PLXNB3: variants seen among roughly 807,000 people sequenced by gnomAD.
The protein encoded by PLXNB3 is plexin B3.
Under a neutral mutation model 125.7 loss-of-function variants are expected in PLXNB3, and 80 were observed. That is an observed-to-expected ratio of 0.64 (90% confidence interval 0.53 to 0.77). The LOEUF (loss-of-function observed/expected upper bound fraction) is 0.77. Among genes scored for constraint, PLXNB3 ranks in the 30% least tolerant of loss-of-function variants. The probability of loss-of-function intolerance (pLI) is 0.00; values close to 1 mark genes in which losing one functional copy is unlikely to be tolerated. For missense variants in PLXNB3, 1,836 were observed against 1,729.3 expected, an observed-to-expected ratio of 1.06 and a Z score of -1.09; for synonymous variants, 954 against 783.3, an observed-to-expected ratio of 1.22 and a Z score of -3.64.
At chrX:153,768,912 C>T (rs1557060426) in intron 4 of PLXNB3, 36 bp from the exon 5 acceptor site, 2 of 1,193,641 alleles carry the variant, frequency 1.7e-6, no homozygotes, top group African/African-American at 1.7e-5. Flanking sequence ...AACCTTTGGC[C>T]ATCTGGCCCA....
chrX:153,771,161 G>C, intron 12 of PLXNB3, 80 bp downstream of exon 12: 2 of 971,735 alleles, frequency 2.1e-6, no homozygotes, highest in Non-Finnish European at 2.9e-6. Flanking sequence ...TGGAGAGCCT[G>C]CTTGGGGCCC....
intron 6 of PLXNB3, 82 bp from the exon 7 acceptor site, chrX:153,769,725 G>GGT: frequency 9.7e-7 from 1 of 1,034,810 alleles, no homozygotes; most frequent in East Asian, 3.3e-5. Context: ...CTCCAGCTGG[G>GGT]CCGGCCTCCC....
rs2091875526 is a variant in PLXNB3, at chrX:153,767,813, C to T, written c.986C>T (p.Ala329Val). The T allele has an allele frequency of 8.6e-7, 1 of 1,161,015 alleles. No homozygotes were observed. ...GAGCTGGGTGCCAGCATGGAGCAGG[C>T]CCGGAGACTCTGCTACACGGCGGGC... Reference protein sequence around the residue: ...MVELGASMEQARRLCYTAGGR... With the variant: ...MVELGASMEQVRRLCYTAGGR... The change falls in exon 3 of 36, where the codon GCC (alanine) becomes GTC (valine). Residue 329 changes from alanine (A) to valine (V), a missense_variant. By Grantham distance (64) the Ala-to-Val change is moderately conservative. Transcript: ENST00000361971.
rs782645794 is a variant in PLXNB3, at chrX:153,778,402, T to C, written c.5481T>C (p.Tyr1827=). The change falls in exon 34 of 36, where the codon TAT becomes TAC. Residue 1827 remains tyrosine (Y), a synonymous_variant. Transcript: ENST00000361971. The stretch of plus-strand genomic sequence containing the variant: ...ACGAAGTCTGCTCCTCCAGGTACTA[T>C]GCGGACATTCGCCAGAGCTCTCCGG... The part of the protein sequence containing the change: ...PRYKQMVERY[Y]ADIRQSSPAS... The C allele has an allele frequency of 6.6e-6, 8 of 1,211,466 alleles. No individual in the cohort carries two copies. The East Asian group carries it at 1.5e-4, about 22-fold the overall frequency.
At chrX:153,778,140 G>C in intron 32 of PLXNB3, 45 bp downstream of exon 32, 1 of 1,208,952 alleles carries the variant, frequency 8.3e-7, no homozygotes, top group Non-Finnish European at 1.1e-6. Flanking sequence ...GCTTGAGGAG[G>C]AAAGGCTTAT....
rs782244922 is a variant in PLXNB3, at chrX:153,774,044, C to T, written c.3465C>T (p.Arg1155=). 2.6e-5 allele frequency: 31 copies of T among 1,191,542 alleles called. No individual in the cohort carries two copies. The highest frequency in any genetic ancestry group is 3.5e-5 in the African/African-American group (2 of 57,269). ...ACCCCCGCCTGGCACCCCTCAGCCG[C>T]GAGGGGCCTGCCCGCCCCTACCGCC... is the stretch of plus-strand genomic sequence containing the variant. ...QPNPRLAPLS[R]EGPARPYRLK... is the part of the protein sequence containing the mutation. Residue 1155 remains arginine (R), a synonymous_variant, in exon 20 of 36, where the codon CGC becomes CGT. Coordinates refer to ENST00000361971, the MANE Select transcript of PLXNB3 (RefSeq NM_005393.3).
rs782272039 is a variant in PLXNB3, at chrX:153,772,868, G to A, written c.2776-18G>A. The A allele has an allele frequency of 9.0e-7, 1 of 1,108,978 alleles. No individual in the cohort carries two copies. Among genetic ancestry groups the A allele is most frequent in the Non-Finnish European group, 1.2e-6 (1 of 850,901 alleles). The allele number at this position is 1,108,978 out of a possible 1,213,427, so 91.4% of individuals were successfully genotyped here. On this transcript the variant is annotated intron_variant, in intron 16 of 35. Transcript: ENST00000361971. Reference sequence around the variant, plus strand: ...CAGGCTGGGCTGCCGTGCCTACCCAGCCTGCGCTGTTCGCCAGGACCCTGT... The same window carrying A: ...CAGGCTGGGCTGCCGTGCCTACCCAACCTGCGCTGTTCGCCAGGACCCTGT...
rs185940074 is a variant in PLXNB3, at chrX:153,765,629, G to A, written c.45+49G>A. ...CCAGAAATGTTCCTGGGAGGGGCAG[G>A]GTAGGGCAGGATGGCTGTGGCCAGG... On this transcript the variant is annotated intron_variant, in intron 2 of 35. Transcript: ENST00000361971. 6.2e-4 allele frequency: 723 copies of A among 1,169,771 alleles called. 7 individuals carry two copies. In the African/African-American group the frequency reaches 0.011, roughly 18 times the overall value.
At chrX:153,765,852 T>A in intron 2 of PLXNB3, 1 of 754,248 alleles carries the variant, frequency 1.3e-6, no homozygotes, top group African/African-American at 2.3e-5. Context: ...CAGGGCAGCA[T>A]CTCTCTGTGG....
Position 153,774,736 on chromosome X carries a change from C to T in PLXNB3, c.3861C>T (p.Tyr1287=). 7.6e-6 allele frequency: 9 copies of T among 1,185,733 alleles called. No individual in the cohort carries two copies. The highest frequency in any genetic ancestry group is 1.0e-5 in the Non-Finnish European group (9 of 881,598). Residue 1287 remains tyrosine, a synonymous_variant, in exon 23 of 36, where the codon TAC becomes TAT. Transcript: ENST00000361971. ...RHKSKQALRD[Y]QKVLVQLESL... ...AGAGCAAGCAGGCCCTGCGGGACTA[C>T]CAGAAGGTGCTAGTGCAGCTGGAGA...
chrX:153,774,718 G>A lies in PLXNB3; in HGVS notation c.3843G>A (p.Lys1281=). The A allele has an allele frequency of 8.6e-7, 1 of 1,169,252 alleles. No individual in the cohort carries two copies. Among genetic ancestry groups the A allele is most frequent in the South Asian group, 2.0e-5 (1 of 50,339 alleles). ...LLTLMYRHKS[K]QALRDYQKVL... ...CCCCGGGCTGCAGGCACAAGAGCAA[G>A]CAGGCCCTGCGGGACTACCAGAAGG... is the stretch of plus-strand genomic sequence containing the variant. The change falls in exon 23 of 36, where the codon AAG becomes AAA. Residue 1281 remains lysine, a synonymous_variant. Coordinates refer to ENST00000361971, the MANE Select transcript of PLXNB3 (RefSeq NM_005393.3).
intron 4 of PLXNB3, 35 bp from the exon 5 acceptor site, chrX:153,768,913 A>G: frequency 8.4e-7 from 1 of 1,196,403 alleles, no homozygotes; most frequent in Non-Finnish European, 1.1e-6. Flanking sequence ...ACCTTTGGCC[A>G]TCTGGCCCAG....
chrX:153,776,848 C>T, intron 28 of PLXNB3, 39 bp from the exon 29 acceptor site: 1 of 987,180 alleles, frequency 1.0e-6, no homozygotes, highest in Non-Finnish European at 1.4e-6. Context: ...AGGCGCCTGG[C>T]TAGGGGTCAG....
At position 153,765,478 on chromosome X, in the gene PLXNB3, C is replaced by A; in HGVS notation, c.-58C>A. ...TGTCTCCCTCCCACTCAGGACAATG[C>A]CCCCCCGCAGCCATCTCATGCCCAT... is the stretch of plus-strand genomic sequence containing the variant. On this transcript the variant is annotated 5_prime_UTR_variant, in exon 2 of 36. Transcript: ENST00000361971. 9 of 1,145,189 alleles carry A rather than the reference C, an allele frequency of 7.9e-6. No individual in the cohort carries two copies. In the South Asian group the frequency reaches 1.2e-4, roughly 15 times the overall value. 94.4% of individuals were successfully genotyped at this position (1,145,189 alleles called of 1,213,427 possible).
chrX:153,767,605 C>T lies in PLXNB3; in HGVS notation c.778C>T (p.Arg260Cys), dbSNP rs782250509. 2.4e-5 allele frequency: 28 copies of T among 1,189,525 alleles called. No homozygotes were observed. The highest frequency in any genetic ancestry group is 2.6e-5 in the Non-Finnish European group (23 of 885,253). Residue 260 changes from arginine to cysteine, a missense_variant, in exon 3 of 36, where the codon CGC becomes TGC. By Grantham distance (180) the Arg-to-Cys change is radical. Transcript: ENST00000361971. ...RRGARAQAEY[R>C]SYVARVCLGD... ...CGGGGCCCGGGCCCAGGCTGAGTACCGCTCCTACGTGGCCCGCGTCTGCCT... is the reference window on the plus strand; with the variant it reads ...CGGGGCCCGGGCCCAGGCTGAGTACTGCTCCTACGTGGCCCGCGTCTGCCT...
rs2091968299 is a variant in PLXNB3 at position 153,774,744 on chromosome X, T to C, written c.3869T>C (p.Val1290Ala). The change falls in exon 23 of 36, where the codon GTG becomes GCG. Residue 1290 changes from valine to alanine, a missense_variant. Val to Ala is a moderately conservative substitution (Grantham distance 64). Coordinates refer to ENST00000361971, the MANE Select transcript of PLXNB3 (RefSeq NM_005393.3). ...CAGGCCCTGCGGGACTACCAGAAGG[T>C]GCTAGTGCAGCTGGAGAGCCTGGAG... Reference protein sequence around the residue: ...SKQALRDYQKVLVQLESLETG... With the variant: ...SKQALRDYQKALVQLESLETG... 2.5e-6 allele frequency: 3 copies of C among 1,193,893 alleles called. No homozygotes were observed. The highest frequency in any genetic ancestry group is 3.7e-5 in the South Asian group (2 of 53,966).
chrX:153,764,656 C>T (rs1394285202), intron 1 of PLXNB3, among the ~76,000 whole-genome samples: 1 of 113,054 alleles, frequency 8.8e-6, no homozygotes, highest in African/African-American at 3.2e-5. Flanking sequence ...CTGGAGCCTA[C>T]TGCTGCCGTG....
intron 12 of PLXNB3, 58 bp downstream of exon 12, chrX:153,771,139 C>T: frequency 9.4e-7 from 1 of 1,061,753 alleles, no homozygotes; most frequent in Non-Finnish European, 1.3e-6. Context: ...CCTCAGGGGT[C>T]TGCCATCTTT....
chrX:153,765,393 C>T (rs782693555), intron 1 of PLXNB3, 78 bp from the exon 2 acceptor site: 277 of 790,388 alleles, frequency 3.5e-4, no homozygotes, highest in Non-Finnish European at 5.0e-4. Context: ...AGGCCCTGGG[C>T]GCCACCCCCA....
Sources: allele counts gnomAD v4.1 joint callset (sites outside exome capture counted in the v4.1 genomes callset), GRCh38; gene constraint gnomAD v4.1.1; transcripts MANE v1.5; gene names NCBI Gene and HGNC (gene_info 2026-07-23, HGNC 2026-07-21).